MAP2K1: variants seen among roughly 807,000 people sequenced by gnomAD.
MAP2K1 encodes mitogen-activated protein kinase kinase 1, also known as dual specificity mitogen-activated protein kinase kinase 1.
MAP2K1 carries 16 observed loss-of-function variants against 46.3 expected under a neutral mutation model. That is an observed-to-expected ratio of 0.35 (90% CI 0.23 to 0.52). MAP2K1 has a LOEUF of 0.52. MAP2K1 is among the 20% of genes least tolerant of loss of function. MAP2K1 has a pLI of 0.94. For synonymous variants in MAP2K1, 183 were observed against 185.6 expected, an observed-to-expected ratio of 0.99 and a Z score of 0.11; for missense variants, 263 against 497.1, an observed-to-expected ratio of 0.53 and a Z score of 4.48.
At chr15:66,457,243 C>G (rs1892188526) in intron 5 of MAP2K1, among the ~76,000 whole-genome samples, 1 of 152,200 alleles carries the variant, frequency 6.6e-6, no homozygotes, top group African/African-American at 2.4e-5. Flanking sequence ...CTCAGCCTCC[C>G]AGGTAGCGGG....
At chr15:66,486,005 C>G (rs1429400216) in intron 7 of MAP2K1, among the ~76,000 whole-genome samples, 2 of 152,118 alleles carry the variant, frequency 1.3e-5, no homozygotes, top group African/African-American at 4.8e-5. Context: ...CTCAAGTGAT[C>G]CTCCTGCCTC....
chr15:66,410,805 T>C (rs775497015), intron 1 of MAP2K1, among the ~76,000 whole-genome samples: 4 of 152,202 alleles, frequency 2.6e-5, no homozygotes, highest in Admixed American at 6.5e-5. Context: ...AAACTGTACA[T>C]GAACTACTCA....
chr15:66,443,785 A>T (rs1472072527), intron 4 of MAP2K1, among the ~76,000 whole-genome samples: 1 of 152,182 alleles, frequency 6.6e-6, no homozygotes, highest in East Asian at 1.9e-4. Flanking sequence ...AGGTGGGAAG[A>T]TCACTTGAGA....
In MAP2K1 at chr15:66,474,405, A is replaced by C. The variant is rs536013551; in HGVS notation, c.569-7350A>C. Among the ~76,000 whole-genome samples, 19 of 152,288 alleles carry C rather than the reference A, an allele frequency of 1.2e-4. No individual in the cohort carries two copies. The South Asian group carries it at 3.9e-3, about 32-fold the overall frequency. ...GGATAATGGGCTGGAGCTGAGAAAG[A>C]AGCATCGTGCTCACTCGCTAAACTG... On this transcript the variant is annotated intron_variant, in intron 5 of 10. Transcript: ENST00000307102.
intron 1 of MAP2K1, among the ~76,000 whole-genome samples, chr15:66,416,466 T>C (rs2093424912): frequency 6.6e-6 from 1 of 151,920 alleles, no homozygotes; most frequent in African/African-American, 2.4e-5. Context: ...TGTCATGGAG[T>C]AGACGCTTCA....
chr15:66,419,930 C>G (rs1310295829), intron 1 of MAP2K1, among the ~76,000 whole-genome samples: 1 of 152,050 alleles, frequency 6.6e-6, no homozygotes, highest in Non-Finnish European at 1.5e-5. Context: ...TGGAAACTAC[C>G]TGATTTACAG....
At chr15:66,462,476 G>T (rs555101834) in intron 5 of MAP2K1, among the ~76,000 whole-genome samples, 1 of 128,026 alleles carries the variant, frequency 7.8e-6, no homozygotes, top group Non-Finnish European at 1.5e-5. Context: ...CACCCTGGGC[G>T]ACAGAGCAAG....
At chr15:66,452,726 T>C (rs940738507) in intron 5 of MAP2K1, among the ~76,000 whole-genome samples, 8 of 152,202 alleles carry the variant, frequency 5.3e-5, no homozygotes, top group African/African-American at 1.9e-4. Context: ...AAATTACATA[T>C]GGAAAGCAAC....
At chr15:66,452,330 C>T (rs1892051473) in intron 5 of MAP2K1, among the ~76,000 whole-genome samples, 1 of 137,344 alleles carries the variant, frequency 7.3e-6, no homozygotes, top group Non-Finnish European at 1.6e-5. Flanking sequence ...ATATAGAAAG[C>T]CACCTGCTTT....
chr15:66,443,256 C>A (rs1435410176), intron 3 of MAP2K1, 24 bp from the exon 4 acceptor site: 1 of 1,456,738 alleles, frequency 6.9e-7, no homozygotes, highest in Non-Finnish European at 9.6e-7. Flanking sequence ...TTGTCACTAA[C>A]TGGTCTGGTA....
chr15:66,442,368 C>T (rs2093506657), intron 3 of MAP2K1, among the ~76,000 whole-genome samples: 1 of 152,170 alleles, frequency 6.6e-6, no homozygotes, highest in Admixed American at 6.5e-5. Flanking sequence ...CGTGATGCGT[C>T]CCTGCTTTGA....
intron 1 of MAP2K1, among the ~76,000 whole-genome samples, chr15:66,409,944 C>T (rs924263417): frequency 1.3e-5 from 2 of 152,196 alleles, no homozygotes; most frequent in African/African-American, 4.8e-5. Context: ...CCCATCAGCA[C>T]CTTTAATTCC....
chr15:66,399,526 A>G (rs1595839166), intron 1 of MAP2K1, among the ~76,000 whole-genome samples: 1 of 148,246 alleles, frequency 6.7e-6, no homozygotes, highest in Non-Finnish European at 1.5e-5. Flanking sequence ...ATCGTGGCTC[A>G]CTGCAGCCTC....
intron 1 of MAP2K1, among the ~76,000 whole-genome samples, chr15:66,417,426 G>A (rs1354300951): frequency 6.6e-6 from 1 of 152,062 alleles, no homozygotes; most frequent in African/African-American, 2.4e-5. Context: ...ACAAAAATTA[G>A]CCAGGCATGG....
intron 1 of MAP2K1, 84 bp downstream of exon 1, chr15:66,387,511 C>A: frequency 1.4e-6 from 2 of 1,383,620 alleles, no homozygotes; most frequent in Non-Finnish European, 2.0e-6. Context: ...AGGCTCCGAT[C>A]TGGTTTGTCA....
intron 6 of MAP2K1, among the ~76,000 whole-genome samples, chr15:66,484,440 G>A (rs1032937861): frequency 6.6e-6 from 1 of 152,186 alleles, no homozygotes; most frequent in African/African-American, 2.4e-5. Context: ...GAGCCACTGC[G>A]TCCCGGCCCA....
At chr15:66,425,653 T>C (rs2093456202) in intron 1 of MAP2K1, among the ~76,000 whole-genome samples, 1 of 152,168 alleles carries the variant, frequency 6.6e-6, no homozygotes, top group African/African-American at 2.4e-5. Flanking sequence ...AACAGACAGA[T>C]AGCATCAGCA....
chr15:66,420,349 T>C (rs982032681), intron 1 of MAP2K1, among the ~76,000 whole-genome samples: 3 of 151,904 alleles, frequency 2.0e-5, no homozygotes, highest in Admixed American at 6.6e-5. Flanking sequence ...GGTGGACCAC[T>C]TGAGCCCAGG....
chr15:66,442,355 C>T lies in MAP2K1; in HGVS notation c.439-925C>T, dbSNP rs547803246. Among the ~76,000 whole-genome samples, 5 of 152,292 alleles carry T rather than the reference C, an allele frequency of 3.3e-5. No homozygotes were observed. In the South Asian group the frequency reaches 1.0e-3, roughly 32 times the overall value. ...ACCACATCATCCCAGGAGTACTCAG[C>T]AACGTGATGCGTCCCTGCTTTGATC... On this transcript the variant is annotated intron_variant, in intron 3 of 10. Coordinates refer to ENST00000307102, the MANE Select transcript of MAP2K1 (RefSeq NM_002755.4).
Sources: gnomAD v4.1 joint callset for allele counts (sites outside exome capture counted in the v4.1 genomes callset) on GRCh38, gnomAD v4.1.1 for gene constraint, MANE v1.5 for transcripts, NCBI Gene and HGNC (gene_info 2026-07-23, HGNC 2026-07-21) for gene names.